LARS2: variants seen among roughly 807,000 people sequenced by gnomAD.
The protein encoded by LARS2 is leucyl-tRNA synthetase 2, mitochondrial, also known as leucine--tRNA ligase, mitochondrial.
LARS2 carries 81 observed loss-of-function variants against 116.6 expected under a neutral mutation model. The ratio of observed to expected loss-of-function variants is 0.69; its 90% CI spans 0.58 to 0.84. The LOEUF (loss-of-function observed/expected upper bound fraction) is 0.84. Ranked by LOEUF, LARS2 falls within the 40% of genes least tolerant of loss-of-function variation. The probability of loss-of-function intolerance (pLI) is 0.00; values close to 1 mark genes in which losing one functional copy is unlikely to be tolerated. For synonymous variants in LARS2, 396 were observed against 407.2 expected (o/e 0.97, Z 0.33); for missense variants, 968 against 1,114.5 (o/e 0.87, Z 1.87).
rs372326114 is a variant in LARS2 at position 45,513,330 on chromosome 3, G to A, written c.1861+95G>A. 2,298 of 846,108 alleles carry A rather than the reference G, an allele frequency of 2.7e-3. 8 individuals are homozygous for A. Among genetic ancestry groups the A allele is most frequent in the Non-Finnish European group, 3.5e-3 (1,747 of 492,410 alleles). The allele number at this position is 846,108 out of a possible 1,614,324, so 52.4% of individuals were successfully genotyped here. A position where few individuals can be genotyped will look rare whatever the true frequency, so the allele number is the denominator to read the frequency against. ...GCAAGCAGGCATCTGCCTCTAGAGT[G>A]GGGAGGATGCAGGAGAGAGACCCGC... On this transcript the variant is annotated intron_variant, in intron 16 of 21. Coordinates refer to ENST00000645846, the MANE Select transcript of LARS2 (RefSeq NM_015340.4).
chr3:45,464,486 C>G (rs530052773), intron 8 of LARS2, among the ~76,000 whole-genome samples: 2 of 152,358 alleles, frequency 1.3e-5, no homozygotes, highest in South Asian at 2.1e-4. Flanking sequence ...AGCCCCAGAA[C>G]AGAGGCTGGG....
At chr3:45,458,707 A>C in intron 7 of LARS2, 36 bp from the exon 8 acceptor site, 1 of 1,608,180 alleles carries the variant, frequency 6.2e-7, no homozygotes, top group Non-Finnish European at 8.5e-7. Flanking sequence ...AAGAGTACTC[A>C]CCAGATTGTG....
chr3:45,547,289 T>C (rs1327091717), intron 21 of LARS2, 62 bp from the exon 22 acceptor site: 4 of 1,473,090 alleles, frequency 2.7e-6, no homozygotes, highest in East Asian at 4.6e-5. Flanking sequence ...AGGTTTGGTA[T>C]TGGGCCGCCT....
At chr3:45,415,893 GGAGA>G (rs71095034) in intron 4 of LARS2, among the ~76,000 whole-genome samples, 3,693 of 69,636 alleles carry the variant, frequency 0.053, 104 homozygotes, top group South Asian at 0.14. Flanking sequence ...AGAGAGAGAG[GGAGA>G]GAGAGAGAGA....
At chr3:45,454,801 G>T (rs984465346) in intron 7 of LARS2, among the ~76,000 whole-genome samples, 1 of 152,206 alleles carries the variant, frequency 6.6e-6, no homozygotes, top group African/African-American at 2.4e-5. Flanking sequence ...ATTGCTGGAT[G>T]AGGGAAGCTA....
chr3:45,534,304 A>T (rs2125766540), intron 20 of LARS2, among the ~76,000 whole-genome samples: 1 of 152,192 alleles, frequency 6.6e-6, no homozygotes, highest in Admixed American at 6.5e-5. Context: ...GAGAATGGGG[A>T]AATGATGCCT....
chr3:45,411,995 C>G (rs570122886), intron 4 of LARS2, among the ~76,000 whole-genome samples: 1 of 152,314 alleles, frequency 6.6e-6, no homozygotes, highest in African/African-American at 2.4e-5. Context: ...CCAGCTCCAT[C>G]CATGTTGCTG....
intron 8 of LARS2, 23 bp downstream of exon 8, chr3:45,458,909 C>T (rs1575268410): frequency 6.2e-7 from 1 of 1,612,434 alleles, no homozygotes; most frequent in East Asian, 2.2e-5. Flanking sequence ...CTGGAGGCTC[C>T]CCACTAATGC....
chr3:45,417,626 T>A (rs576685032), intron 5 of LARS2, 53 bp downstream of exon 5: 304 of 1,362,392 alleles, frequency 2.2e-4, no homozygotes, highest in Middle Eastern at 1.6e-3. Flanking sequence ...CTTTAAAAAA[T>A]TTTTTTAACC....
chr3:45,481,601 C>T (rs1283992868), intron 10 of LARS2, among the ~76,000 whole-genome samples: 1 of 152,156 alleles, frequency 6.6e-6, no homozygotes, highest in Non-Finnish European at 1.5e-5. Context: ...CCTGATACAT[C>T]TTTTCATGTG....
intron 20 of LARS2, among the ~76,000 whole-genome samples, chr3:45,528,504 A>G (rs1700565575): frequency 6.6e-6 from 1 of 152,202 alleles, no homozygotes; most frequent in East Asian, 1.9e-4. Context: ...GTAAATTTAT[A>G]TACTTGTGCA....
chr3:45,478,662 C>G (rs1263501021), intron 10 of LARS2, among the ~76,000 whole-genome samples: 1 of 152,182 alleles, frequency 6.6e-6, no homozygotes, highest in Admixed American at 6.5e-5. Flanking sequence ...TTTCTCCCCT[C>G]TTTTTAATAA....
chr3:45,452,899 TTGTG>T (rs1156612477), intron 7 of LARS2, among the ~76,000 whole-genome samples: 1 of 152,106 alleles, frequency 6.6e-6, no homozygotes, highest in Non-Finnish European at 1.5e-5. Flanking sequence ...TCTTGCTAGG[TTGTG>T]TGTGTGTCCA....
intron 2 of LARS2, among the ~76,000 whole-genome samples, chr3:45,392,633 A>G (rs1190853853): frequency 1.3e-5 from 2 of 152,004 alleles, no homozygotes; most frequent in Middle Eastern, 3.4e-3. Context: ...ACTTTATTCT[A>G]TCCCTGAAGA....
chr3:45,438,422 A>C (rs1698841892), intron 6 of LARS2, among the ~76,000 whole-genome samples: 1 of 151,988 alleles, frequency 6.6e-6, no homozygotes, highest in Non-Finnish European at 1.5e-5. Context: ...GAGTTTCCTC[A>C]TGTATAAAGC....
intron 11 of LARS2, among the ~76,000 whole-genome samples, chr3:45,486,276 A>G (rs950584230): frequency 6.6e-6 from 1 of 152,194 alleles, no homozygotes; most frequent in African/African-American, 2.4e-5. Flanking sequence ...GAGGAGGCGA[A>G]CTCGAGCTAT....
chr3:45,514,608 A>C (rs1176480905), intron 16 of LARS2, among the ~76,000 whole-genome samples: 2 of 152,214 alleles, frequency 1.3e-5, no homozygotes, highest in East Asian at 3.8e-4. Context: ...ATAGCTGTGC[A>C]GTTTGTGCGC....
In LARS2 at chr3:45,430,128, C is replaced by G. The variant is rs1340219944; in HGVS notation, c.516+10399C>G. Among the ~76,000 whole-genome samples the G allele has an allele frequency of 4.0e-5, 6 of 148,868 alleles. No individual in the cohort carries two copies. In the East Asian group the frequency reaches 5.9e-4, roughly 15 times the overall value. On this transcript the variant is annotated intron_variant, in intron 6 of 21. Transcript: ENST00000645846. ...CTGGGACTACAGGTGCCTGCCACCACGCCTGGCCAATTTTTTTTGTATTTT... is the reference window on the plus strand; with the variant it reads ...CTGGGACTACAGGTGCCTGCCACCAGGCCTGGCCAATTTTTTTTGTATTTT...
intron 21 of LARS2, among the ~76,000 whole-genome samples, chr3:45,546,794 C>T (rs983262418): frequency 5.3e-5 from 8 of 152,184 alleles, no homozygotes; most frequent in African/African-American, 1.9e-4. Flanking sequence ...ATTAATGTGA[C>T]AAGATGTGGC....
Sources: allele counts gnomAD v4.1 joint callset (sites outside exome capture counted in the v4.1 genomes callset), GRCh38; gene constraint gnomAD v4.1.1; transcripts MANE v1.5; gene names NCBI Gene and HGNC (gene_info 2026-07-23, HGNC 2026-07-21).